The following PCBD2 variants were observed in gnomAD, a reference collection of about 807,000 sequenced individuals.
PCBD2 encodes the protein pterin-4 alpha-carbinolamine dehydratase 2, also known as pterin-4-alpha-carbinolamine dehydratase 2.
In PCBD2, 12 loss-of-function variants were observed where a neutral mutation model predicts 16.4. That is an observed-to-expected ratio of 0.73 (90% CI 0.47 to 1.19). PCBD2 has a LOEUF of 1.19. Ranked by LOEUF, PCBD2 falls within the 50% of genes most tolerant of loss-of-function variation. PCBD2 has a pLI of 0.00. For synonymous variants in PCBD2, 58 were observed against 61.8 expected, an observed-to-expected ratio of 0.94 and a Z score of 0.29; for missense variants, 138 against 156.8, an observed-to-expected ratio of 0.88 and a Z score of 0.64.
At chr5:134,911,976 C>T (rs546322507) in intron 2 of PCBD2, among the ~76,000 whole-genome samples, 1 of 152,154 alleles carries the variant, frequency 6.6e-6, no homozygotes, top group African/African-American at 2.4e-5. Context: ...TAAACCTGGC[C>T]TAATTTATTG....
chr5:134,945,172 A>G (rs576987643), intron 2 of PCBD2, among the ~76,000 whole-genome samples: 3 of 152,332 alleles, frequency 2.0e-5, no homozygotes, highest in African/African-American at 7.2e-5. Context: ...GTTGCATCAA[A>G]TGGCAGTGCA....
chr5:134,926,927 G>A (rs908704690), intron 2 of PCBD2: 4 of 398,050 alleles, frequency 1.0e-5, no homozygotes, highest in Non-Finnish European at 8.8e-6. Flanking sequence ...TAATAGTGGG[G>A]GGTAAGGCGA....
chr5:134,945,712 G>A lies in PCBD2; in HGVS notation c.217-13328G>A, dbSNP rs1414517462. Among the ~76,000 whole-genome samples, 4 of 152,268 alleles carry A rather than the reference G, an allele frequency of 2.6e-5. No individual in the cohort carries two copies. In the East Asian group the frequency reaches 5.8e-4, roughly 22 times the overall value. ...AAATTTTCTAGATTTTAAAAAAGTG[G>A]CATAAAATTACTTTATGTATGATTC... is the stretch of plus-strand genomic sequence containing the variant. On this transcript the variant is annotated intron_variant, in intron 2 of 3. Transcript: ENST00000254908.
intron 2 of PCBD2, among the ~76,000 whole-genome samples, chr5:134,948,435 G>A (rs925472718): frequency 1.3e-5 from 2 of 152,144 alleles, no homozygotes; most frequent in African/African-American, 2.4e-5. Context: ...GTAAAATCGT[G>A]TGTAGAGTTT....
intron 2 of PCBD2, among the ~76,000 whole-genome samples, chr5:134,935,388 C>G (rs1354630985): frequency 6.6e-6 from 1 of 152,188 alleles, no homozygotes; most frequent in Non-Finnish European, 1.5e-5. Context: ...TTCCTAAACT[C>G]CTTTATTCCC....
chr5:134,953,811 A>G (rs1196751006), intron 2 of PCBD2, among the ~76,000 whole-genome samples: 1 of 152,020 alleles, frequency 6.6e-6, no homozygotes, highest in Non-Finnish European at 1.5e-5. Context: ...AATAACAACA[A>G]CAAAAAAAGA....
intron 2 of PCBD2, among the ~76,000 whole-genome samples, chr5:134,952,761 G>A (rs760931586): frequency 2.5e-4 from 38 of 151,306 alleles, no homozygotes; most frequent in Admixed American, 1.3e-3. Flanking sequence ...AGCTATATTC[G>A]TGCCACTGCA....
In PCBD2 at chr5:134,910,324, T is replaced by G. The variant is rs772494482; in HGVS notation, c.85-11T>G. The G allele has an allele frequency of 6.2e-7, 1 of 1,610,742 alleles. No individual in the cohort carries two copies. The highest frequency in any genetic ancestry group is 2.2e-5 in the East Asian group (1 of 44,860). The stretch of plus-strand genomic sequence containing the variant: ...GTACATTTTCAGATATGAAATGTGT[T>G]CTCTTCATAGTCATCAGGTACTCAC... On this transcript the variant is annotated splice_polypyrimidine_tract_variant and intron_variant, in intron 1 of 3. Transcript: ENST00000254908.
At chr5:134,924,265 G>A (rs919488478) in intron 2 of PCBD2, 6 of 395,098 alleles carry the variant, frequency 1.5e-5, no homozygotes, top group African/African-American at 1.2e-4. Context: ...AATTACGGGG[G>A]AGGTTACATG....
At chr5:134,959,657 TATC>T (rs1001260807) in intron 3 of PCBD2, among the ~76,000 whole-genome samples, 49 of 152,250 alleles carry the variant, frequency 3.2e-4, no homozygotes, top group African/African-American at 1.1e-3. Flanking sequence ...TGAAATGTCT[TATC>T]ATCTAGATTT....
chr5:134,959,206 G>A, intron 3 of PCBD2, 86 bp downstream of exon 3: 1 of 977,720 alleles, frequency 1.0e-6, no homozygotes, highest in South Asian at 1.6e-5. Context: ...GCAGCTAAAT[G>A]TCATTGTACT....
At chr5:134,958,786 C>T (rs961132992) in intron 2 of PCBD2, among the ~76,000 whole-genome samples, 3 of 152,148 alleles carry the variant, frequency 2.0e-5, no homozygotes, top group East Asian at 1.9e-4. Context: ...ATAGTCCAGA[C>T]GGGTCACTAG....
At chr5:134,927,334 G>A (rs1298081973) in intron 2 of PCBD2, 2 of 398,510 alleles carry the variant, frequency 5.0e-6, no homozygotes, top group East Asian at 7.1e-5. Context: ...AATTTTAAGA[G>A]TACTGCAGCA....
rs1339308793 is a variant in PCBD2 at position 134,905,221 on chromosome 5, A to T, written c.82A>T (p.Met28Leu). The change falls in exon 1 of 4, where the codon ATG (methionine) becomes TTG (leucine). Residue 28 changes from methionine (M) to leucine (L), a missense_variant and splice_region_variant. Transcript: ENST00000254908. Reference sequence around the variant, plus strand: ...AGGCCAGAGCCTAGGGCTAGCGGCCATGGTGAGTGCACAGCGGCCGCGTGG... The same window carrying T: ...AGGCCAGAGCCTAGGGCTAGCGGCCTTGGTGAGTGCACAGCGGCCGCGTGG... ...LRGQSLGLAA[M>L]SSGTHRLTAE... 3.2e-5 allele frequency: 38 copies of T among 1,198,160 alleles called. No individual in the cohort carries two copies. The Admixed American group carries it at 9.3e-4, about 29-fold the overall frequency. 74.2% of individuals were successfully genotyped at this position (1,198,160 alleles called of 1,614,324 possible).
At chr5:134,956,371 G>A (rs895047075) in intron 2 of PCBD2, among the ~76,000 whole-genome samples, 1 of 152,126 alleles carries the variant, frequency 6.6e-6, no homozygotes, top group African/African-American at 2.4e-5. Flanking sequence ...TTCCTTTCAA[G>A]CCTTATATCT....
intron 2 of PCBD2, among the ~76,000 whole-genome samples, chr5:134,929,492 C>T (rs1751066679): frequency 6.6e-6 from 1 of 151,980 alleles, no homozygotes; most frequent in Non-Finnish European, 1.5e-5. Context: ...TTGGAGGAAG[C>T]AGCATGGAGG....
chr5:134,952,807 T>TA (rs565332391), intron 2 of PCBD2, among the ~76,000 whole-genome samples: 2,345 of 139,498 alleles, frequency 0.017, 43 homozygotes, highest in African/African-American at 0.051. Flanking sequence ...CCCTGTCTCT[T>TA]AAAAAAAAAA....
intron 2 of PCBD2, among the ~76,000 whole-genome samples, chr5:134,939,096 A>G (rs1561912565): frequency 6.6e-6 from 1 of 152,172 alleles, no homozygotes; most frequent in Non-Finnish European, 1.5e-5. Context: ...CATGTTTGGA[A>G]TATACCTGAC....
intron 2 of PCBD2, among the ~76,000 whole-genome samples, chr5:134,939,736 T>C (rs568243851): frequency 6.6e-6 from 1 of 152,222 alleles, no homozygotes; most frequent in Non-Finnish European, 1.5e-5. Flanking sequence ...TATATGAAAC[T>C]GAAAGATAGA....
Sources: gnomAD v4.1 joint callset for allele counts (sites outside exome capture counted in the v4.1 genomes callset) on GRCh38, gnomAD v4.1.1 for gene constraint, MANE v1.5 for transcripts, NCBI Gene and HGNC (gene_info 2026-07-23, HGNC 2026-07-21) for gene names.